The following ACTR1A variants were observed in gnomAD, a reference collection of about 807,000 sequenced individuals.
The protein encoded by ACTR1A is actin related protein 1A, also known as alpha-centractin.
ACTR1A carries 10 observed loss-of-function variants against 50.7 expected under a neutral mutation model. That is an observed-to-expected ratio of 0.20 (90% confidence interval 0.12 to 0.33). The LOEUF (loss-of-function observed/expected upper bound fraction) is 0.33. ACTR1A is among the 10% of genes least tolerant of loss of function. The pLI, the probability that ACTR1A is intolerant of heterozygous loss-of-function variation, is 1.00. For missense variants in ACTR1A, 253 were observed against 491.7 expected (o/e 0.51, Z 4.59); for synonymous variants, 177 against 184.2 (o/e 0.96, Z 0.32).
chr10:102,482,510 G>T lies in ACTR1A; in HGVS notation c.751-335C>A. Reference sequence around the variant, plus strand: ...TCACCCTACACTGCACCCAGGTGTGGTGAAGGATGGCACTAACCATCCCAC... The same window carrying T: ...TCACCCTACACTGCACCCAGGTGTGTTGAAGGATGGCACTAACCATCCCAC... On this transcript the variant is annotated intron_variant, in intron 7 of 10. Transcript: ENST00000369905. The surrounding 1 kb of genome is among the most constrained non-coding windows in gnomAD (Gnocchi z 5.6). 2 of 351,332 alleles carry T rather than the reference G, an allele frequency of 5.7e-6. No homozygotes were observed. Among genetic ancestry groups the T allele is most frequent in the Non-Finnish European group, 5.3e-6 (1 of 190,440 alleles). The allele number at this position is 351,332 out of a possible 1,614,324, so 21.8% of individuals were successfully genotyped here.
chr10:102,481,991 A>C lies in ACTR1A; in HGVS notation c.925+10T>G, dbSNP rs766162631. ...CTTCCAGGGGAAGGGCTCCAAGAGA[A>C]GAGACAAACCTTTGAACAGGGTAGA... is the stretch of plus-strand genomic sequence containing the variant. On this transcript the variant is annotated intron_variant, in intron 8 of 10. Coordinates refer to ENST00000369905, the MANE Select transcript of ACTR1A (RefSeq NM_005736.4). The C allele has an allele frequency of 6.2e-7, 1 of 1,614,148 alleles. No homozygotes were observed. Among genetic ancestry groups the C allele is most frequent in the Non-Finnish European group, 8.5e-7 (1 of 1,180,028 alleles).
chr10:102,485,673 C>T lies in ACTR1A; in HGVS notation c.376G>A (p.Glu126Lys). The T allele has an allele frequency of 6.2e-7, 1 of 1,614,102 alleles. No homozygotes were observed. The highest frequency in any genetic ancestry group is 8.5e-7 in the Non-Finnish European group (1 of 1,180,010). The change falls in exon 5 of 11, where the codon GAA becomes AAA. Residue 126 changes from glutamate to lysine, a missense_variant. This residue lies in a region of ACTR1A where 96 missense variants were observed against 238.7 expected (regional missense o/e 0.40). Transcript: ENST00000369905. ...NPRKNRERAA[E>K]VFFETFNVPA... The stretch of plus-strand genomic sequence containing the variant: ...ACATTGAAGGTCTCGAAGAAAACTT[C>T]GGCAGCTCGTTCCCGGTTTTTTCGT...
At chr10:102,493,780 A>G (rs1251270952) in intron 1 of ACTR1A, among the ~76,000 whole-genome samples, 3 of 152,260 alleles carry the variant, frequency 2.0e-5, no homozygotes, top group African/African-American at 4.8e-5. Flanking sequence ...TGGGTACTCA[A>G]CAGATGCTGG....
chr10:102,481,410 C>A (rs997405246), intron 9 of ACTR1A, among the ~76,000 whole-genome samples: 1 of 152,126 alleles, frequency 6.6e-6, no homozygotes, highest in Admixed American at 6.5e-5. Flanking sequence ...GACTCCATGG[C>A]AAGAACTGTA....
chr10:102,496,912 C>T (rs555685168), intron 1 of ACTR1A, among the ~76,000 whole-genome samples: 1 of 152,254 alleles, frequency 6.6e-6, no homozygotes, highest in South Asian at 2.1e-4. Context: ...GGCGTGGTGG[C>T]TCACGCCTAT....
intron 1 of ACTR1A, among the ~76,000 whole-genome samples, chr10:102,499,447 C>T (rs1193757696): frequency 1.3e-5 from 2 of 152,070 alleles, no homozygotes; most frequent in Non-Finnish European, 2.9e-5. Flanking sequence ...TAATAAAGGA[C>T]ATGTTTTCCC....
intron 4 of ACTR1A, among the ~76,000 whole-genome samples, chr10:102,487,479 G>A (rs11598806): frequency 0.017 from 2,563 of 152,118 alleles, 22 homozygotes; most frequent in Non-Finnish European, 0.026. Context: ...GATTACTTGA[G>A]CCCAGGAGGT....
Position 102,490,575 on chromosome 10 carries a change from C to T in ACTR1A, c.87G>A (p.Gln29=). 1 of 1,613,686 alleles carries T rather than the reference C, an allele frequency of 6.2e-7. No individual in the cohort carries two copies. The highest frequency in any genetic ancestry group is 8.5e-7 in the Non-Finnish European group (1 of 1,179,648). ...GVIKAGFAGD[Q]IPKYCFPNYV... is the part of the protein sequence containing the mutation. ...AGTTTGGAAAGCAGTATTTGGGGAT[C>T]TGATCACCAGCAAAACCAGCTTTAA... is the stretch of plus-strand genomic sequence containing the variant. Residue 29 remains glutamine, a synonymous_variant, in exon 2 of 11, where the codon CAG becomes CAA. Coordinates refer to ENST00000369905, the MANE Select transcript of ACTR1A (RefSeq NM_005736.4).
intron 1 of ACTR1A, among the ~76,000 whole-genome samples, chr10:102,498,688 G>T (rs556495353): frequency 1.3e-5 from 2 of 151,356 alleles, no homozygotes; most frequent in Admixed American, 1.3e-4. Context: ...GCCCAGGCTG[G>T]TCTCCAATTC....
Position 102,497,301 on chromosome 10 carries a change from C to T in ACTR1A, c.48+5299G>A, listed in dbSNP as rs184266361. 3.9e-3 allele frequency among the ~76,000 whole-genome samples: 588 copies of T among 152,054 alleles called. 6 individuals carry two copies. Among genetic ancestry groups the T allele is most frequent in the African/African-American group, 0.014 (561 of 41,500 alleles). ...ATGGATGTTCCTTACACTATTCCTT[C>T]TCCTTTGTATGTTTGAAATTGCTAT... On this transcript the variant is annotated intron_variant, in intron 1 of 10. Transcript: ENST00000369905.
In ACTR1A at chr10:102,490,719, G is replaced by A; in HGVS notation, c.49-106C>T. On this transcript the variant is annotated intron_variant, in intron 1 of 10. Coordinates refer to ENST00000369905, the MANE Select transcript of ACTR1A (RefSeq NM_005736.4). ...ATTTAAGAAAAGAAAGCGGCCGGGCGCAGTGGCTCACACTTGTAATCCCAA... is the reference window on the plus strand; with the variant it reads ...ATTTAAGAAAAGAAAGCGGCCGGGCACAGTGGCTCACACTTGTAATCCCAA... The A allele has an allele frequency of 1.8e-5, 16 of 908,466 alleles. 1 individual carries two copies. Among genetic ancestry groups the A allele is most frequent in the South Asian group, 4.4e-5 (3 of 68,010 alleles). 56.3% of individuals were successfully genotyped at this position (908,466 alleles called of 1,614,324 possible).
chr10:102,486,529 A>T (rs920615087), intron 4 of ACTR1A, among the ~76,000 whole-genome samples: 3 of 152,142 alleles, frequency 2.0e-5, no homozygotes, highest in African/African-American at 7.2e-5. Flanking sequence ...GTCTCTACTA[A>T]AAATACAAAA....
rs1172771164 is a variant in ACTR1A at position 102,502,653 on chromosome 10, A to G, written c.-6T>C. 7 of 1,614,094 alleles carry G rather than the reference A, an allele frequency of 4.3e-6. No individual in the cohort carries two copies. The highest frequency in any genetic ancestry group is 5.9e-6 in the Non-Finnish European group (7 of 1,180,024). On this transcript the variant is annotated 5_prime_UTR_variant, in exon 1 of 11. Coordinates refer to ENST00000369905, the MANE Select transcript of ACTR1A (RefSeq NM_005736.4). ...ATCACATCGTAGGACTCCATGGCAG[A>G]GGAATCTCTCCTTCTGGGGAAGGAA...
intron 1 of ACTR1A, among the ~76,000 whole-genome samples, chr10:102,497,171 G>GAAA (rs968687001): frequency 4.0e-4 from 28 of 69,572 alleles, no homozygotes; most frequent in East Asian, 1.2e-3. Context: ...TCCATCTCAG[G>GAAA]AAAAAAAAAA....
At chr10:102,495,682 T>G (rs2062217333) in intron 1 of ACTR1A, among the ~76,000 whole-genome samples, 2 of 150,766 alleles carry the variant, frequency 1.3e-5, no homozygotes, top group Non-Finnish European at 3.0e-5. Context: ...TGAGCCGAGA[T>G]TGCGCCACTG....
chr10:102,485,346 A>T (rs2062162025), intron 5 of ACTR1A, among the ~76,000 whole-genome samples: 1 of 152,240 alleles, frequency 6.6e-6, no homozygotes, highest in African/African-American at 2.4e-5. Context: ...CGGCAGGCCC[A>T]GCCAAGGCCT....
chr10:102,495,762 T>A (rs2062218258), intron 1 of ACTR1A, among the ~76,000 whole-genome samples: 1 of 59,384 alleles, frequency 1.7e-5, no homozygotes, highest in Admixed American at 1.7e-4. Flanking sequence ...ACAATTTTTT[T>A]TTTTTTTTTT....
intron 1 of ACTR1A, among the ~76,000 whole-genome samples, chr10:102,492,564 G>T (rs1397963454): frequency 6.6e-6 from 1 of 152,142 alleles, no homozygotes; most frequent in Non-Finnish European, 1.5e-5. Flanking sequence ...AAGTAGCCAA[G>T]GTTATCTGCA....
At chr10:102,481,090 A>G (rs2062138019) in intron 10 of ACTR1A, 42 bp downstream of exon 10, 1 of 1,601,868 alleles carries the variant, frequency 6.2e-7, no homozygotes, top group African/African-American at 1.3e-5. Flanking sequence ...TATCAGTGCC[A>G]TCACTTCCTG....
Sources: allele counts gnomAD v4.1 joint callset (sites outside exome capture counted in the v4.1 genomes callset), GRCh38; gene constraint gnomAD v4.1.1; regional missense constraint gnomAD v4.1.1; non-coding constraint Gnocchi (gnomAD v3.1); transcripts MANE v1.5; gene names NCBI Gene and HGNC (gene_info 2026-07-23, HGNC 2026-07-21).